Variants in RNF144B observed in about 807,000 individuals in gnomAD.
RNF144B encodes ring finger protein 144B.
A neutral mutation model predicts 40.2 loss-of-function variants in RNF144B; 25 were observed. The ratio of observed to expected loss-of-function variants is 0.62; its 90% CI spans 0.45 to 0.87. RNF144B has a LOEUF of 0.87. RNF144B is among the 40% of genes least tolerant of loss of function. The pLI is 0.00. For missense variants in RNF144B, 365 were observed against 373.7 expected (o/e 0.98, Z 0.19); for synonymous variants, 145 against 136.3 (o/e 1.06, Z -0.44).
rs1353829533 is a variant in RNF144B at position 18,400,905 on chromosome 6, CTTG to C, written c.165+1212_165+1214del. 6.6e-6 allele frequency among the ~76,000 whole-genome samples: 1 copy of C among 152,138 alleles called. No homozygotes were observed. Among genetic ancestry groups the C allele is most frequent in the Non-Finnish European group, 1.5e-5 (1 of 68,022 alleles). ...GATGTTTGTGCTGCCTCTCCTTCCT[CTTG>C]TTGTTAGTGTGTGTTGCTTTATAGG... is the stretch of plus-strand genomic sequence containing the variant. On this transcript the variant is annotated intron_variant, in intron 2 of 7. Coordinates refer to ENST00000259939, the MANE Select transcript of RNF144B (RefSeq NM_182757.4). This position sits in a 1 kb window ranked among gnomAD's most constrained non-coding sequence, Gnocchi z 5.6.
chr6:18,417,521 T>C (rs1444072559), intron 2 of RNF144B, among the ~76,000 whole-genome samples: 1 of 152,206 alleles, frequency 6.6e-6, no homozygotes, highest in Non-Finnish European at 1.5e-5. Context: ...ACTGGATATC[T>C]GTTTGCAAAA....
At chr6:18,399,074 T>TTG (rs1049906131) in intron 1 of RNF144B, among the ~76,000 whole-genome samples, 4 of 152,104 alleles carry the variant, frequency 2.6e-5, no homozygotes, top group African/African-American at 9.7e-5. Flanking sequence ...ACATTTTTCT[T>TTG]TGTGTGTGTG....
rs2113478801 is a variant in RNF144B at position 18,412,049 on chromosome 6, G to T, written c.165+12350G>T. ...GATTTTAAGGTTGTTTCTAGTTTTT[G>T]CTATTATGAATACATTTTTTTTACT... On this transcript the variant is annotated intron_variant, in intron 2 of 7. Transcript: ENST00000259939. The surrounding 1 kb of genome is among the most constrained non-coding windows in gnomAD (Gnocchi z 4.2). 6.6e-6 allele frequency among the ~76,000 whole-genome samples: 1 copy of T among 152,214 alleles called. No homozygotes were observed. The highest frequency in any genetic ancestry group is 6.5e-5 in the Admixed American group (1 of 15,282).
intron 4 of RNF144B, among the ~76,000 whole-genome samples, chr6:18,449,877 G>C (rs10456826): frequency 0.12 from 18,967 of 152,078 alleles, 1,357 homozygotes; most frequent in Admixed American, 0.19. Context: ...TTCTAAGTTA[G>C]TAGTTACCCA....
chr6:18,445,071 T>C (rs988784164), intron 4 of RNF144B, among the ~76,000 whole-genome samples: 1 of 150,424 alleles, frequency 6.6e-6, no homozygotes, highest in African/African-American at 2.4e-5. Flanking sequence ...TACTTTATTG[T>C]CTGCTCAGTT....
At chr6:18,427,255 TA>T (rs1393584986) in intron 2 of RNF144B, among the ~76,000 whole-genome samples, 4 of 102,634 alleles carry the variant, frequency 3.9e-5, no homozygotes, top group Admixed American at 9.8e-5. Context: ...TAGGAACTCA[TA>T]TTTTTTTTTT....
chr6:18,438,553 T>C (rs988538047), intron 3 of RNF144B, among the ~76,000 whole-genome samples: 1 of 152,188 alleles, frequency 6.6e-6, no homozygotes, highest in African/African-American at 2.4e-5. Context: ...TTAGCTAATT[T>C]AGATTCATTT....
rs919075467 is a variant in RNF144B, at chr6:18,410,938, C to T, written c.165+11239C>T. On this transcript the variant is annotated intron_variant, in intron 2 of 7. Coordinates refer to ENST00000259939, the MANE Select transcript of RNF144B (RefSeq NM_182757.4). The surrounding 1 kb of genome is among the most constrained non-coding windows in gnomAD (Gnocchi z 4.6). ...TTTTGTGCCCCAATTTCTCTTTTTT[C>T]CTATCCATTTGGGATACTGTCAGCT... is the stretch of plus-strand genomic sequence containing the variant. Among the ~76,000 whole-genome samples, 1 of 152,002 alleles carries T rather than the reference C, an allele frequency of 6.6e-6. No individual in the cohort carries two copies. Among genetic ancestry groups the T allele is most frequent in the African/African-American group, 2.4e-5 (1 of 41,402 alleles).
At chr6:18,428,436 A>G (rs1030623734) in intron 3 of RNF144B, among the ~76,000 whole-genome samples, 1 of 152,180 alleles carries the variant, frequency 6.6e-6, no homozygotes, top group Non-Finnish European at 1.5e-5. Context: ...GAGTTGAACC[A>G]TTTCCAAAGA....
chr6:18,404,273 T>G lies in RNF144B; in HGVS notation c.165+4574T>G, dbSNP rs1794850277. Among the ~76,000 whole-genome samples the G allele has an allele frequency of 2.0e-5, 3 of 152,226 alleles. No homozygotes were observed. The South Asian group carries it at 6.2e-4, about 32-fold the overall frequency. ...CCTATTTCTACCTCTGTTTCTCCCT[T>G]GCAGTATAGCATAGTGTGTTAGAAT... On this transcript the variant is annotated intron_variant, in intron 2 of 7. Coordinates refer to ENST00000259939, the MANE Select transcript of RNF144B (RefSeq NM_182757.4).
chr6:18,428,840 A>G (rs879768908), intron 3 of RNF144B, among the ~76,000 whole-genome samples: 2 of 152,182 alleles, frequency 1.3e-5, no homozygotes, highest in Non-Finnish European at 2.9e-5. Context: ...TCTAGAAAGT[A>G]GAAGAGATAG....
intron 3 of RNF144B, among the ~76,000 whole-genome samples, chr6:18,433,082 A>G (rs1167530757): frequency 6.6e-6 from 1 of 152,172 alleles, no homozygotes; most frequent in Non-Finnish European, 1.5e-5. Flanking sequence ...AAAGTTGGCT[A>G]CAGTGATAGG....
chr6:18,455,352 T>C (rs1021025946), intron 4 of RNF144B, among the ~76,000 whole-genome samples: 1 of 152,204 alleles, frequency 6.6e-6, no homozygotes, highest in Non-Finnish European at 1.5e-5. Flanking sequence ...TGAAAACTTA[T>C]AACAAGATAG....
At position 18,405,150 on chromosome 6, in the gene RNF144B, T is replaced by TTTATTATTATTATTATTATTATTATTA. The variant is rs71536790; in HGVS notation, c.165+5477_165+5478insATTATTATTATTATTATTATTATTATT. ...CTTGCTTGCAAGGTTAGTTTTTTTCTTTATTATTATTATTATTATTATTAT... is the reference window on the plus strand; with the variant it reads ...CTTGCTTGCAAGGTTAGTTTTTTTCTTTATTATTATTATTATTATTATTATTATTATTATTATTATTATTATTATTAT... On this transcript the variant is annotated intron_variant, in intron 2 of 7. Transcript: ENST00000259939. This position sits in a 1 kb window ranked among gnomAD's most constrained non-coding sequence, Gnocchi z 4.5. 6.8e-6 allele frequency among the ~76,000 whole-genome samples: 1 copy of TTTATTATTATTATTATTATTATTATTA among 146,232 alleles called. No individual in the cohort carries two copies. The highest frequency in any genetic ancestry group is 2.1e-4 in the South Asian group (1 of 4,696).
At chr6:18,391,663 C>A (rs372545090) in intron 1 of RNF144B, among the ~76,000 whole-genome samples, 1 of 151,210 alleles carries the variant, frequency 6.6e-6, no homozygotes, top group African/African-American at 2.4e-5. Context: ...GTCAGGAGAT[C>A]GAGACCATCC....
chr6:18,394,427 G>A (rs992127538), intron 1 of RNF144B, among the ~76,000 whole-genome samples: 1 of 152,014 alleles, frequency 6.6e-6, no homozygotes, highest in South Asian at 2.1e-4. Context: ...GTGAAACCTC[G>A]TCTCTACTAA....
intron 2 of RNF144B, among the ~76,000 whole-genome samples, chr6:18,420,660 A>AAATTCCTTCTGG (rs1240787248): frequency 6.6e-6 from 1 of 152,072 alleles, no homozygotes; most frequent in Non-Finnish European, 1.5e-5. Context: ...ATCATTTATA[A>AAATTCCTTCTGG]AATTCCTTCT....
At position 18,466,872 on chromosome 6, in the gene RNF144B, A is replaced by C. The variant is rs1022020658; in HGVS notation, c.*1805A>C. On this transcript the variant is annotated 3_prime_UTR_variant, in exon 8 of 8. Transcript: ENST00000259939. The stretch of plus-strand genomic sequence containing the variant: ...GTTGGTTATGTACATTTTAATTTAC[A>C]TGTTGTGTAGAACATAGATGAGAAC... The C allele has an allele frequency of 1.3e-5, 2 of 152,648 alleles. No individual in the cohort carries two copies. Among genetic ancestry groups the C allele is most frequent in the African/African-American group, 2.4e-5 (1 of 41,452 alleles). The allele number at this position is 152,648 out of a possible 1,614,324, so 9.5% of individuals were successfully genotyped here. A position where few individuals can be genotyped will look rare whatever the true frequency, so the allele number is the denominator to read the frequency against.
chr6:18,439,963 TTTGTTTTG>T (rs140470868), intron 4 of RNF144B, among the ~76,000 whole-genome samples: 1,659 of 152,226 alleles, frequency 0.011, 22 homozygotes, highest in Middle Eastern at 0.027. Flanking sequence ...CCTTATGTTG[TTTGTTTTG>T]TATTTTTAAT....
Sources: allele counts gnomAD v4.1 joint callset (sites outside exome capture counted in the v4.1 genomes callset), GRCh38; gene constraint gnomAD v4.1.1; non-coding constraint Gnocchi (gnomAD v3.1); transcripts MANE v1.5; gene names NCBI Gene and HGNC (gene_info 2026-07-23, HGNC 2026-07-21).